PVT1: variants seen among roughly 807,000 people sequenced by gnomAD.
PVT1 encodes Pvt1 oncogene.
chr8:128,015,605 T>C (rs963942712), intron 4 of PVT1, among the ~76,000 whole-genome samples: 2 of 151,830 alleles, frequency 1.3e-5, no homozygotes, highest in African/African-American at 4.8e-5. Context: ...AAACCCTGTC[T>C]CTACTAAAAA....
chr8:127,893,150 T>C (rs1449411132), intron 3 of PVT1, among the ~76,000 whole-genome samples: 1 of 152,184 alleles, frequency 6.6e-6, no homozygotes, highest in Non-Finnish European at 1.5e-5. Flanking sequence ...AGTAATAATC[T>C]CCATTTATTA....
intron 4 of PVT1, among the ~76,000 whole-genome samples, chr8:128,024,104 C>T (rs1817467303): frequency 6.6e-6 from 1 of 152,236 alleles, no homozygotes; most frequent in African/African-American, 2.4e-5. Flanking sequence ...CAGCCTCTTA[C>T]ACCCCACCAC....
At chr8:127,994,506 A>G (rs1817081732) in intron 4 of PVT1, among the ~76,000 whole-genome samples, 1 of 152,240 alleles carries the variant, frequency 6.6e-6, no homozygotes, top group African/African-American at 2.4e-5. Flanking sequence ...CCTTCAAAAT[A>G]TACAGATGTA....
intron 2 of PVT1, among the ~76,000 whole-genome samples, chr8:127,830,346 G>A (rs372820651): frequency 1.3e-5 from 2 of 152,100 alleles, no homozygotes; most frequent in East Asian, 1.9e-4. Context: ...GGAGAGGTGT[G>A]GTTGGCTTGG....
chr8:127,878,759 G>A (rs1815432402), intron 2 of PVT1, among the ~76,000 whole-genome samples: 2 of 152,202 alleles, frequency 1.3e-5, no homozygotes, highest in Admixed American at 1.3e-4. Context: ...CTGTAAGACA[G>A]TGCCCATCAG....
At chr8:128,047,219 G>A (rs570395309) in intron 4 of PVT1, among the ~76,000 whole-genome samples, 1 of 152,266 alleles carries the variant, frequency 6.6e-6, no homozygotes, top group Admixed American at 6.5e-5. Flanking sequence ...TGGGCTTTCT[G>A]TGTTCTTGAA....
chr8:128,006,523 T>C (rs996059025), intron 4 of PVT1, among the ~76,000 whole-genome samples: 3 of 152,206 alleles, frequency 2.0e-5, no homozygotes, highest in Admixed American at 2.0e-4. Context: ...AAGTATCTTG[T>C]CAGGAGATGC....
intron 2 of PVT1, among the ~76,000 whole-genome samples, chr8:127,870,975 C>T (rs1013174033): frequency 6.6e-6 from 1 of 152,220 alleles, no homozygotes; most frequent in African/African-American, 2.4e-5. Context: ...TCCTCCTCCT[C>T]CTCTCTGTCC....
chr8:127,932,258 G>A lies in PVT1; in HGVS notation n.782+41260G>A, dbSNP rs1033700221. Among the ~76,000 whole-genome samples the A allele has an allele frequency of 3.3e-5, 5 of 152,188 alleles. No homozygotes were observed. In the South Asian group the frequency reaches 6.2e-4, roughly 19 times the overall value. On this transcript the variant is annotated intron_variant and non_coding_transcript_variant, in intron 3 of 10. Coordinates refer to ENST00000651587, the Ensembl canonical transcript of PVT1. ...GGCGGGATTAGCCTCAAGGAGGCAG[G>A]GGGTCCATGTTTCTGCTCCTCTCCC...
chr8:128,079,586 C>A (rs1044937922), intron 5 of PVT1, among the ~76,000 whole-genome samples: 1 of 152,130 alleles, frequency 6.6e-6, no homozygotes, highest in Non-Finnish European at 1.5e-5. Flanking sequence ...AGTTTCACTG[C>A]CCTAAAATTC....
chr8:128,075,003 T>C (rs1298949541), intron 5 of PVT1, among the ~76,000 whole-genome samples: 2 of 152,278 alleles, frequency 1.3e-5, no homozygotes, highest in Non-Finnish European at 2.9e-5. Flanking sequence ...ATGGGGGTTA[T>C]ATGTTTACAA....
At chr8:127,918,919 A>C (rs1816023304) in intron 3 of PVT1, among the ~76,000 whole-genome samples, 1 of 151,960 alleles carries the variant, frequency 6.6e-6, no homozygotes, top group South Asian at 2.1e-4. Context: ...ACTCACTACC[A>C]CTGAAAGATG....
chr8:127,832,364 C>T (rs180904363), intron 2 of PVT1, among the ~76,000 whole-genome samples: 4 of 152,348 alleles, frequency 2.6e-5, no homozygotes, highest in Non-Finnish European at 5.9e-5. Flanking sequence ...AGCCCAGACT[C>T]AGCTTAGAAT....
chr8:128,091,554 G>A (rs761362371), intron 5 of PVT1, among the ~76,000 whole-genome samples: 2 of 152,066 alleles, frequency 1.3e-5, no homozygotes, highest in Non-Finnish European at 1.5e-5. Context: ...TTCTTCATTC[G>A]TGATAACTCT....
chr8:128,067,352 T>C (rs1813923114), intron 4 of PVT1, among the ~76,000 whole-genome samples: 1 of 152,180 alleles, frequency 6.6e-6, no homozygotes, highest in Non-Finnish European at 1.5e-5. Context: ...CGTGGAGTCA[T>C]CTAATGGGCA....
intron 4 of PVT1, among the ~76,000 whole-genome samples, chr8:127,995,277 TTATC>T (rs1320649541): frequency 1.3e-5 from 2 of 152,214 alleles, no homozygotes; most frequent in Admixed American, 6.5e-5. Flanking sequence ...CTTTGAGTGT[TTATC>T]TAAGCTAAGC....
intron 2 of PVT1, among the ~76,000 whole-genome samples, chr8:127,820,701 TG>T (rs370772270): frequency 6.6e-6 from 1 of 151,874 alleles, no homozygotes; most frequent in Non-Finnish European, 1.5e-5. Flanking sequence ...TCTTAGGTTT[TG>T]TTTTTTTTTT....
chr8:128,096,903 A>C (rs1000159964), intron 6 of PVT1, among the ~76,000 whole-genome samples: 2 of 152,202 alleles, frequency 1.3e-5, no homozygotes, highest in Non-Finnish European at 2.9e-5. Context: ...ATGAGAGCTC[A>C]CAGCAGGCTG....
At chr8:127,809,714 C>T (rs550410012) in intron 2 of PVT1, among the ~76,000 whole-genome samples, 1 of 152,258 alleles carries the variant, frequency 6.6e-6, no homozygotes, top group African/African-American at 2.4e-5. Flanking sequence ...GGAAAGTCCC[C>T]AGGAATTTAT....
Sources: gnomAD v4.1 joint callset for allele counts (sites outside exome capture counted in the v4.1 genomes callset) on GRCh38, gnomAD v4.1.1 for gene constraint, MANE v1.5 for transcripts, NCBI Gene and HGNC (gene_info 2026-07-23, HGNC 2026-07-21) for gene names.